FSTL4: variants seen among roughly 807,000 people sequenced by gnomAD.
FSTL4 encodes the protein follistatin-related protein 4.
A neutral mutation model predicts 78.2 loss-of-function variants in FSTL4; 28 were observed. The ratio of observed to expected loss-of-function variants is 0.36; its 90% CI spans 0.27 to 0.49. The LOEUF (loss-of-function observed/expected upper bound fraction) is 0.49, where lower values mean the gene tolerates loss of function less well. Among genes scored for constraint, FSTL4 ranks in the 20% least tolerant of loss-of-function variants. The pLI is 0.98. For synonymous variants in FSTL4, 422 were observed against 440.5 expected (o/e 0.96, Z 0.53); for missense variants, 922 against 1,084.9 (o/e 0.85, Z 2.11).
chr5:133,702,771 C>T, the FSTL4 span, among the ~76,000 whole-genome samples: 7 of 152,308 alleles, frequency 4.6e-5, no homozygotes, highest in Middle Eastern at 6.8e-3. Flanking sequence ...CTTGGAGAGC[C>T]TGGGAGCCAG....
intron 3 of FSTL4, among the ~76,000 whole-genome samples, chr5:133,464,649 T>C (rs1005961142): frequency 7.9e-5 from 12 of 152,198 alleles, no homozygotes; most frequent in African/African-American, 2.6e-4. Flanking sequence ...AGGTCAGCCA[T>C]GAAGGAGGGA....
the FSTL4 span, among the ~76,000 whole-genome samples, chr5:133,648,402 A>T: frequency 6.6e-6 from 1 of 152,232 alleles, no homozygotes; most frequent in Non-Finnish European, 1.5e-5. Context: ...CAAGGAGGGT[A>T]TCCCTTGACT....
At chr5:133,776,043 C>T in the FSTL4 span, among the ~76,000 whole-genome samples, 1 of 152,166 alleles carries the variant, frequency 6.6e-6, no homozygotes, top group Non-Finnish European at 1.5e-5. Context: ...CTGTGTTCCA[C>T]TATGTTGGGG....
At chr5:133,639,297 C>T in the FSTL4 span, among the ~76,000 whole-genome samples, 11 of 152,140 alleles carry the variant, frequency 7.2e-5, no homozygotes, top group East Asian at 1.9e-3. Flanking sequence ...TTCATTACTA[C>T]GTCCTCAATA....
intron 3 of FSTL4, among the ~76,000 whole-genome samples, chr5:133,540,720 C>CAAAA (rs79162509): frequency 1.1e-3 from 79 of 69,712 alleles, no homozygotes; most frequent in Non-Finnish European, 1.4e-3. Flanking sequence ...TTAACATAGG[C>CAAAA]AAAAAAAAAA....
At chr5:133,421,905 G>A (rs530939698) in intron 3 of FSTL4, among the ~76,000 whole-genome samples, 11 of 152,278 alleles carry the variant, frequency 7.2e-5, no homozygotes, top group African/African-American at 2.2e-4. Flanking sequence ...GGAGACAGGC[G>A]GGAAGTGATA....
the FSTL4 span, among the ~76,000 whole-genome samples, chr5:133,828,327 TC>T: frequency 6.6e-6 from 1 of 152,298 alleles, no homozygotes; most frequent in African/African-American, 2.4e-5. Context: ...GCCTAGTGGA[TC>T]CTAAAGTTTG....
chr5:133,839,894 A>T, the FSTL4 span, among the ~76,000 whole-genome samples: 1 of 152,230 alleles, frequency 6.6e-6, no homozygotes, highest in Admixed American at 6.5e-5. Context: ...CGGGGCCATT[A>T]GCCAGTTGGC....
chr5:133,797,362 T>C, the FSTL4 span, among the ~76,000 whole-genome samples: 1 of 152,236 alleles, frequency 6.6e-6, no homozygotes, highest in Admixed American at 6.5e-5. Context: ...GAAAGGAATG[T>C]TTTGAATTAA....
intron 4 of FSTL4, among the ~76,000 whole-genome samples, chr5:133,385,054 G>T (rs1446956517): frequency 6.6e-6 from 1 of 152,148 alleles, no homozygotes; most frequent in Non-Finnish European, 1.5e-5. Flanking sequence ...GTGCTCCGTT[G>T]TCGCGCTCCC....
chr5:133,772,725 C>T, the FSTL4 span, among the ~76,000 whole-genome samples: 1 of 152,154 alleles, frequency 6.6e-6, no homozygotes, highest in Non-Finnish European at 1.5e-5. Context: ...CAATAACAAA[C>T]CCACTTCCAA....
chr5:133,385,702 T>C lies in FSTL4; in HGVS notation c.409+15036A>G, dbSNP rs535769430. On this transcript the variant is annotated intron_variant, in intron 4 of 15. Coordinates refer to ENST00000265342, the MANE Select transcript of FSTL4 (RefSeq NM_015082.2). ...GTGCTCACTGCAAGGCCTCCTTCCT[T>C]TTTTAATTACAGGAATCATTATATA... 6.6e-5 allele frequency among the ~76,000 whole-genome samples: 10 copies of C among 152,362 alleles called. 1 individual carries two copies. In the South Asian group the frequency reaches 2.1e-3, roughly 32 times the overall value.
chr5:133,479,411 C>T (rs1330656235), intron 3 of FSTL4, among the ~76,000 whole-genome samples: 1 of 152,210 alleles, frequency 6.6e-6, no homozygotes, highest in Non-Finnish European at 1.5e-5. Context: ...GTTCTTTTTC[C>T]ATCTAAAGAG....
chr5:133,474,309 C>T (rs527416717), intron 3 of FSTL4, among the ~76,000 whole-genome samples: 22 of 146,926 alleles, frequency 1.5e-4, no homozygotes, highest in Non-Finnish European at 2.5e-4. Context: ...AATGAACAAA[C>T]GGGAGACAGG....
At chr5:133,686,640 T>C in the FSTL4 span, among the ~76,000 whole-genome samples, 1 of 152,220 alleles carries the variant, frequency 6.6e-6, no homozygotes, top group South Asian at 2.1e-4. Context: ...CCAGGTGGGA[T>C]AGGCAGCAGA....
intron 6 of FSTL4, among the ~76,000 whole-genome samples, chr5:133,297,873 G>T (rs1380368361): frequency 2.0e-5 from 3 of 152,206 alleles, no homozygotes; most frequent in African/African-American, 7.2e-5. Context: ...GCCAGGTGGG[G>T]TGTGCAGCGT....
chr5:133,331,376 G>A (rs1201268982), intron 4 of FSTL4, among the ~76,000 whole-genome samples: 1 of 152,128 alleles, frequency 6.6e-6, no homozygotes, highest in African/African-American at 2.4e-5. Context: ...AAGACAACAA[G>A]CAGAGATTCT....
chr5:133,218,619 C>T (rs568155055), intron 12 of FSTL4, among the ~76,000 whole-genome samples: 16 of 152,222 alleles, frequency 1.1e-4, no homozygotes, highest in Middle Eastern at 3.2e-3. Flanking sequence ...TCAATCACGC[C>T]GCTCTCCTGC....
chr5:133,547,450 C>T (rs1759604565), intron 3 of FSTL4, among the ~76,000 whole-genome samples: 2 of 152,134 alleles, frequency 1.3e-5, no homozygotes. Context: ...TTCTGGGGGG[C>T]AGGTGTGAAA....
Sources: allele counts gnomAD v4.1 joint callset (sites outside exome capture counted in the v4.1 genomes callset), GRCh38; gene constraint gnomAD v4.1.1; transcripts MANE v1.5; gene names NCBI Gene and HGNC (gene_info 2026-07-23, HGNC 2026-07-21).